The following MRPS28 variants were observed in gnomAD, a reference collection of about 807,000 sequenced individuals.
The protein encoded by MRPS28 is small ribosomal subunit protein bS1m.
In MRPS28, 7 loss-of-function variants were observed where a neutral mutation model predicts 10.8. That is an observed-to-expected ratio of 0.65 (90% confidence interval 0.37 to 1.22). The LOEUF (loss-of-function observed/expected upper bound fraction) is 1.22. Among genes scored for constraint, MRPS28 ranks in the 50% most tolerant of loss-of-function variants. MRPS28 has a pLI of 0.02. For missense variants in MRPS28, 265 were observed against 232.9 expected, an observed-to-expected ratio of 1.14 and a Z score of -0.90; for synonymous variants, 121 against 93.3, an observed-to-expected ratio of 1.30 and a Z score of -1.71.
intron 2 of MRPS28, among the ~76,000 whole-genome samples, chr8:79,940,021 C>G (rs911485566): frequency 1.3e-5 from 2 of 151,448 alleles, no homozygotes; most frequent in African/African-American, 2.4e-5. Flanking sequence ...GCTGATGAAG[C>G]TCTTTATGAG....
intron 2 of MRPS28, among the ~76,000 whole-genome samples, chr8:79,967,509 C>T (rs191042679): frequency 6.6e-6 from 1 of 152,178 alleles, no homozygotes; most frequent in Non-Finnish European, 1.5e-5. Flanking sequence ...TAGTTTCCCA[C>T]TGACCACTGC....
At chr8:80,019,331 AC>A (rs1809293843) in intron 1 of MRPS28, among the ~76,000 whole-genome samples, 1 of 148,214 alleles carries the variant, frequency 6.7e-6, no homozygotes, top group South Asian at 2.3e-4. Flanking sequence ...CCTACTATGT[AC>A]CCACAAAAAT....
chr8:79,941,558 G>A (rs1309630706), intron 2 of MRPS28, among the ~76,000 whole-genome samples: 1 of 152,140 alleles, frequency 6.6e-6, no homozygotes. Context: ...TCTCTGAGAA[G>A]TCACATAGTC....
chr8:79,925,010 T>C (rs1395237766), intron 2 of MRPS28, among the ~76,000 whole-genome samples: 1 of 152,158 alleles, frequency 6.6e-6, no homozygotes, highest in East Asian at 1.9e-4. Flanking sequence ...CACTGTACTA[T>C]CTGTACTGTA....
At chr8:79,961,295 AT>A (rs1369618315) in intron 2 of MRPS28, among the ~76,000 whole-genome samples, 7 of 152,248 alleles carry the variant, frequency 4.6e-5, no homozygotes, top group Middle Eastern at 3.4e-3. Flanking sequence ...ACAATAGGAT[AT>A]CCCAGTATAC....
At chr8:80,023,847 C>G (rs1421255190) in intron 1 of MRPS28, among the ~76,000 whole-genome samples, 1 of 152,020 alleles carries the variant, frequency 6.6e-6, no homozygotes, top group East Asian at 2.0e-4. Flanking sequence ...TTAACAGATT[C>G]TACAAATTTA....
intron 2 of MRPS28, among the ~76,000 whole-genome samples, chr8:79,952,049 G>A (rs928595047): frequency 6.6e-6 from 1 of 152,118 alleles, no homozygotes; most frequent in East Asian, 1.9e-4. Context: ...CTTTTAATAC[G>A]AGTAATATCT....
At chr8:79,988,047 A>C (rs1376519214) in intron 2 of MRPS28, among the ~76,000 whole-genome samples, 5 of 152,128 alleles carry the variant, frequency 3.3e-5, no homozygotes, top group Admixed American at 3.3e-4. Flanking sequence ...GATAGACTGA[A>C]TTAAGAAAAT....
At chr8:80,029,832 C>G (rs780824991) in intron 1 of MRPS28, 39 of 1,533,566 alleles carry the variant, frequency 2.5e-5, no homozygotes, top group Middle Eastern at 1.7e-4. Flanking sequence ...GCAAATGCCA[C>G]ACAAAAGGAC....
rs192814112 is a variant in MRPS28 at position 79,982,701 on chromosome 8, G to A, written c.395+20298C>T. On this transcript the variant is annotated intron_variant, in intron 2 of 2. Coordinates refer to ENST00000276585, the MANE Select transcript of MRPS28 (RefSeq NM_014018.3). ...TGAGATCAAACTGCAAGGCGGCAGC[G>A]AGGCTGAGGGACGGGCACCCGCCAT... 4.6e-4 allele frequency among the ~76,000 whole-genome samples: 70 copies of A among 152,316 alleles called. No homozygotes were observed. In the East Asian group the frequency reaches 0.01, roughly 22 times the overall value.
chr8:80,004,243 G>C (rs1307983694), intron 1 of MRPS28, among the ~76,000 whole-genome samples: 2 of 152,194 alleles, frequency 1.3e-5, no homozygotes, highest in Non-Finnish European at 2.9e-5. Context: ...CCCAAGTAGG[G>C]GCAGACTGAC....
At chr8:79,969,722 A>T (rs1165479461) in intron 2 of MRPS28, among the ~76,000 whole-genome samples, 1 of 152,084 alleles carries the variant, frequency 6.6e-6, no homozygotes, top group Admixed American at 6.5e-5. Flanking sequence ...ATTTAAATTT[A>T]TAAAATAAAA....
intron 2 of MRPS28, among the ~76,000 whole-genome samples, chr8:79,965,625 C>T (rs1340798968): frequency 1.3e-5 from 2 of 151,964 alleles, no homozygotes; most frequent in East Asian, 3.9e-4. Context: ...TTCATAAATC[C>T]TCATCACTAC....
Position 79,934,869 on chromosome 8 carries a change from A to T in MRPS28, c.396-15721T>A, listed in dbSNP as rs192572312. On this transcript the variant is annotated intron_variant, in intron 2 of 2. Transcript: ENST00000276585. ...GAAAAACACTAGTTTAGCAATTATTAAAAAAAATGGTTCCATTTGAAAAGT... is the reference window on the plus strand; with the variant it reads ...GAAAAACACTAGTTTAGCAATTATTTAAAAAAATGGTTCCATTTGAAAAGT... 7.8e-4 allele frequency among the ~76,000 whole-genome samples: 118 copies of T among 152,154 alleles called. No homozygotes were observed. The East Asian group carries it at 0.02, about 25-fold the overall frequency.
At chr8:79,942,791 T>C (rs1806804777) in intron 2 of MRPS28, among the ~76,000 whole-genome samples, 1 of 152,124 alleles carries the variant, frequency 6.6e-6, no homozygotes, top group African/African-American at 2.4e-5. Context: ...ATTTTAAAAT[T>C]CTCTAACAGG....
At chr8:79,986,074 T>G (rs982423529) in intron 2 of MRPS28, among the ~76,000 whole-genome samples, 1 of 152,200 alleles carries the variant, frequency 6.6e-6, no homozygotes, top group African/African-American at 2.4e-5. Context: ...AAAGCTTATC[T>G]GCCATGATCA....
chr8:79,990,627 T>C (rs1037892094), intron 2 of MRPS28, among the ~76,000 whole-genome samples: 2 of 1,066 alleles, frequency 1.9e-3, no homozygotes, highest in African/African-American at 8.4e-3. Flanking sequence ...TTTAAATGCA[T>C]ACACAGCAAA....
intron 2 of MRPS28, among the ~76,000 whole-genome samples, chr8:79,941,808 A>G (rs533905610): frequency 3.5e-4 from 53 of 152,350 alleles, no homozygotes; most frequent in Non-Finnish European, 6.5e-4. Flanking sequence ...AAGAGAAGGT[A>G]GGTATGTATA....
At chr8:79,927,932 T>C (rs1274024148) in intron 2 of MRPS28, among the ~76,000 whole-genome samples, 1 of 152,036 alleles carries the variant, frequency 6.6e-6, no homozygotes, top group East Asian at 1.9e-4. Context: ...GCCTTTTCTG[T>C]AGGACAAGAA....
Sources: gnomAD v4.1 joint callset for allele counts (sites outside exome capture counted in the v4.1 genomes callset) on GRCh38, gnomAD v4.1.1 for gene constraint, MANE v1.5 for transcripts, NCBI Gene and HGNC (gene_info 2026-07-23, HGNC 2026-07-21) for gene names.